The following NEMP2 variants were observed in gnomAD, a reference collection of about 807,000 sequenced individuals.
NEMP2 encodes UPF0571 transmembrane protein.
In NEMP2, 53 loss-of-function variants were observed where a neutral mutation model predicts 54.2. The ratio of observed to expected loss-of-function variants is 0.98; its 90% CI spans 0.78 to 1.23. NEMP2 has a LOEUF of 1.23. Ranked by LOEUF, NEMP2 falls within the 50% of genes most tolerant of loss-of-function variation. NEMP2 has a pLI of 0.00. For synonymous variants in NEMP2, 197 were observed against 190.3 expected (o/e 1.04, Z -0.29); for missense variants, 455 against 511.3 (o/e 0.89, Z 1.06).
chr2:190,611,209 G>A, the NEMP2 span, among the ~76,000 whole-genome samples: 1 of 152,142 alleles, frequency 6.6e-6, no homozygotes, highest in Non-Finnish European at 1.5e-5. The surrounding 1 kb of genome is among the most constrained non-coding windows in gnomAD (Gnocchi z 5.4). Context: ...ACACTAAGAT[G>A]TATCAGAATT....
the NEMP2 span, among the ~76,000 whole-genome samples, chr2:190,648,660 G>A: frequency 1.2e-4 from 18 of 151,662 alleles, no homozygotes; most frequent in East Asian, 3.3e-3. Context: ...TCCGCAGCTG[G>A]AGAGCAGGCC....
At chr2:190,563,043 A>C in the NEMP2 span, among the ~76,000 whole-genome samples, 1 of 152,230 alleles carries the variant, frequency 6.6e-6, no homozygotes, top group Non-Finnish European at 1.5e-5. The surrounding 1 kb of genome is among the most constrained non-coding windows in gnomAD (Gnocchi z 4.3). Context: ...TAAACACAAA[A>C]TGACTATCTG....
the NEMP2 span, among the ~76,000 whole-genome samples, chr2:190,623,709 C>A: frequency 6.6e-6 from 1 of 152,048 alleles, no homozygotes; most frequent in African/African-American, 2.4e-5. Context: ...TATGAAACAA[C>A]TAGAAGAAAA....
the NEMP2 span, among the ~76,000 whole-genome samples, chr2:190,462,912 A>AT: frequency 3.3e-5 from 5 of 152,138 alleles, no homozygotes; most frequent in Non-Finnish European, 7.4e-5. This position sits in a 1 kb window ranked among gnomAD's most constrained non-coding sequence, Gnocchi z 5.7. Flanking sequence ...TCTTACCACC[A>AT]TTCTAGCACT....
chr2:190,534,826 C>G (rs1049311933), upstream of NEMP2: 32 of 457,494 alleles, frequency 7.0e-5, no homozygotes, highest in Non-Finnish European at 1.0e-4. Context: ...CTCGTTGCTC[C>G]AGCCTCCGCC....
chr2:190,510,257 G>C lies in NEMP2; in HGVS notation c.1130+104C>G, dbSNP rs1302203707. 1.5e-6 allele frequency: 2 copies of C among 1,348,214 alleles called. No individual in the cohort carries two copies. The highest frequency in any genetic ancestry group is 2.0e-6 in the Non-Finnish European group (2 of 993,298). 83.5% of individuals were successfully genotyped at this position (1,348,214 alleles called of 1,614,324 possible). A position where few individuals can be genotyped will look rare whatever the true frequency, so the allele number is the denominator to read the frequency against. On this transcript the variant is annotated intron_variant, in intron 8 of 8. Coordinates refer to ENST00000409150, the MANE Select transcript of NEMP2 (RefSeq NM_001142645.2). The surrounding 1 kb of genome is among the most constrained non-coding windows in gnomAD (Gnocchi z 5.7). Reference sequence around the variant, plus strand: ...AACTTCCACATCATCTGTTATCCAGGGAAACAGTCTATTTCTACCCTGAAG... The same window carrying C: ...AACTTCCACATCATCTGTTATCCAGCGAAACAGTCTATTTCTACCCTGAAG...
the NEMP2 span, among the ~76,000 whole-genome samples, chr2:190,547,323 T>C: frequency 1.3e-5 from 2 of 152,252 alleles, no homozygotes; most frequent in African/African-American, 2.4e-5. This position sits in a 1 kb window ranked among gnomAD's most constrained non-coding sequence, Gnocchi z 6.2. Context: ...TGAAACTTTA[T>C]GGTGACTTAA....
intron 1 of NEMP2, chr2:190,534,022 C>A: frequency 1.0e-6 from 1 of 981,804 alleles, no homozygotes; most frequent in Non-Finnish European, 1.2e-6. Context: ...CTGCCGCTCA[C>A]GTGGGACCGT....
chr2:190,537,200 C>T (rs184712463), upstream of NEMP2, among the ~76,000 whole-genome samples: 8 of 152,184 alleles, frequency 5.3e-5, no homozygotes, highest in South Asian at 2.1e-4. Context: ...TTAAAAACAC[C>T]GTATCAGAAA....
the NEMP2 span, among the ~76,000 whole-genome samples, chr2:190,601,293 G>T: frequency 6.6e-6 from 1 of 152,174 alleles, no homozygotes; most frequent in Non-Finnish European, 1.5e-5. This position sits in a 1 kb window ranked among gnomAD's most constrained non-coding sequence, Gnocchi z 5.8. Context: ...CTTCCATAGT[G>T]CCTTCGGAGG....
the NEMP2 span, among the ~76,000 whole-genome samples, chr2:190,461,076 C>T: frequency 6.6e-6 from 1 of 152,100 alleles, no homozygotes; most frequent in African/African-American, 2.4e-5. This position sits in a 1 kb window ranked among gnomAD's most constrained non-coding sequence, Gnocchi z 5.5. Flanking sequence ...AGATGGTTTA[C>T]CCACACCCAA....
the NEMP2 span, among the ~76,000 whole-genome samples, chr2:190,498,608 T>C: frequency 6.6e-6 from 1 of 152,212 alleles, no homozygotes; most frequent in South Asian, 2.1e-4. This position sits in a 1 kb window ranked among gnomAD's most constrained non-coding sequence, Gnocchi z 5.9. Flanking sequence ...ATCCTATTTA[T>C]TAATTTATCA....
rs1188081952 is a variant in NEMP2 at position 190,510,002 on chromosome 2, T to C, written c.1130+359A>G. On this transcript the variant is annotated intron_variant, in intron 8 of 8. Coordinates refer to ENST00000409150, the MANE Select transcript of NEMP2 (RefSeq NM_001142645.2). The surrounding 1 kb of genome is among the most constrained non-coding windows in gnomAD (Gnocchi z 5.7). The stretch of plus-strand genomic sequence containing the variant: ...GTTGCAATGAGCTGAGATTGCACCA[T>C]TGCACTCCAGCCTGGGTGACAGAGC... Among the ~76,000 whole-genome samples the C allele has an allele frequency of 6.6e-6, 1 of 152,162 alleles. No homozygotes were observed. Among genetic ancestry groups the C allele is most frequent in the Non-Finnish European group, 1.5e-5 (1 of 68,030 alleles).
intron 7 of NEMP2, among the ~76,000 whole-genome samples, chr2:190,511,543 A>C (rs1197847593): frequency 1.3e-5 from 2 of 149,016 alleles, no homozygotes; most frequent in Non-Finnish European, 3.0e-5. Context: ...TATTTTTTAA[A>C]TTAAATTTAA....
chr2:190,597,264 A>C, the NEMP2 span, among the ~76,000 whole-genome samples: 3 of 74,094 alleles, frequency 4.0e-5, no homozygotes, highest in Non-Finnish European at 8.4e-5. This position sits in a 1 kb window ranked among gnomAD's most constrained non-coding sequence, Gnocchi z 4.7. Context: ...CTCTGTCTCC[A>C]AAAAAAAAAA....
chr2:190,564,459 T>G, the NEMP2 span, among the ~76,000 whole-genome samples: 3 of 152,356 alleles, frequency 2.0e-5, no homozygotes, highest in African/African-American at 7.2e-5. The surrounding 1 kb of genome is among the most constrained non-coding windows in gnomAD (Gnocchi z 4.2). Context: ...TTACTCTTGA[T>G]TTTGAATACA....
rs1187537226 is a variant in NEMP2, at chr2:190,519,665, A to C, written c.214-482T>G. 6.6e-6 allele frequency among the ~76,000 whole-genome samples: 1 copy of C among 152,218 alleles called. No homozygotes were observed. Among genetic ancestry groups the C allele is most frequent in the Non-Finnish European group, 1.5e-5 (1 of 68,042 alleles). Reference sequence around the variant, plus strand: ...ACTCAAGAGATCTGTATTTAGTCCAAACACACGCTGAACCACAGACATTAT... The same window carrying C: ...ACTCAAGAGATCTGTATTTAGTCCACACACACGCTGAACCACAGACATTAT... On this transcript the variant is annotated intron_variant, in intron 2 of 8. Coordinates refer to ENST00000409150, the MANE Select transcript of NEMP2 (RefSeq NM_001142645.2). The surrounding 1 kb of genome is among the most constrained non-coding windows in gnomAD (Gnocchi z 5.4).
In NEMP2 at chr2:190,509,429, A is replaced by C. The variant is rs899660380; in HGVS notation, c.1131-117T>G. ...ATTAAATTTGACTTTGCATCAATAC[A>C]GGGTGGCATTTACACAGTGGGTGTA... On this transcript the variant is annotated intron_variant, in intron 8 of 8. Coordinates refer to ENST00000409150, the MANE Select transcript of NEMP2 (RefSeq NM_001142645.2). The surrounding 1 kb of genome is among the most constrained non-coding windows in gnomAD (Gnocchi z 6.1). 1 of 1,184,954 alleles carries C rather than the reference A, an allele frequency of 8.4e-7. No individual in the cohort carries two copies. Among genetic ancestry groups the C allele is most frequent in the Non-Finnish European group, 1.2e-6 (1 of 837,084 alleles). 73.4% of individuals were successfully genotyped at this position (1,184,954 alleles called of 1,614,324 possible). A position where few individuals can be genotyped will look rare whatever the true frequency, so the allele number is the denominator to read the frequency against.
the NEMP2 span, among the ~76,000 whole-genome samples, chr2:190,633,312 T>C: frequency 2.6e-5 from 3 of 117,006 alleles, no homozygotes; most frequent in Non-Finnish European, 5.0e-5. Flanking sequence ...CAACTTTTCC[T>C]TTTTTTTTTT....
Sources: gnomAD v4.1 joint callset for allele counts (sites outside exome capture counted in the v4.1 genomes callset) on GRCh38, gnomAD v4.1.1 for gene constraint, Gnocchi (gnomAD v3.1) non-coding constraint, MANE v1.5 for transcripts, NCBI Gene and HGNC (gene_info 2026-07-23, HGNC 2026-07-21) for gene names.